The following LY6D variants were observed in gnomAD, a reference collection of about 807,000 sequenced individuals.
LY6D encodes lymphocyte antigen 6D.
Under a neutral mutation model 5.6 loss-of-function variants are expected in LY6D, and 7 were observed. The ratio of observed to expected loss-of-function variants is 1.24; its 90% CI spans 0.71 to 2.34. LY6D has a LOEUF of 2.34. LY6D is among the 30% of genes most tolerant of loss of function. LY6D has a pLI of 0.00. For synonymous variants in LY6D, 81 were observed against 75.0 expected (o/e 1.08, Z -0.41); for missense variants, 148 against 164.8 (o/e 0.90, Z 0.56).
At chr8:142,786,434 A>AGGGCCCCCCCC in intron 1 of LY6D, 31 bp downstream of exon 1, 1 of 1,213,282 alleles carries the variant, frequency 8.2e-7, no homozygotes, top group Non-Finnish European at 1.1e-6. Flanking sequence ...ACAGCCGCCC[A>AGGGCCCCCCCC]CCCGCCCGTC....
Position 142,785,334 on chromosome 8 carries a change from A to G in LY6D, c.274T>C (p.Cys92Arg). 6.2e-7 allele frequency: 1 copy of G among 1,613,726 alleles called. No individual in the cohort carries two copies. Among genetic ancestry groups the G allele is most frequent in the South Asian group, 1.1e-5 (1 of 91,066 alleles). Residue 92 changes from cysteine (C) to arginine (R), a missense_variant, in exon 3 of 3, where the codon TGC becomes CGC. Transcript: ENST00000301263. ...SSTQCCQEDLCNEKLHNAAPT... is the reference protein window; with the variant it reads ...SSTQCCQEDLRNEKLHNAAPT... ...GCAGCGTTGTGCAGCTTCTCATTGC[A>G]CAGGTCCTCCTGGCAGCACTGGGTG... is the stretch of plus-strand genomic sequence containing the variant.
In LY6D at chr8:142,785,667, C is replaced by A. The variant is rs781022238; in HGVS notation, c.73G>T (p.Val25Leu). The A allele has an allele frequency of 6.2e-7, 1 of 1,613,600 alleles. No homozygotes were observed. Among genetic ancestry groups the A allele is most frequent in the East Asian group, 2.2e-5 (1 of 44,874 alleles). Residue 25 changes from valine to leucine, a missense_variant, in exon 2 of 3, where the codon GTG (valine) becomes TTG (leucine). Coordinates refer to ENST00000301263, the MANE Select transcript of LY6D (RefSeq NM_003695.3). ...TGPALTLRCH[V>L]CTSSSNCKHS... is the part of the protein sequence containing the mutation. ...TTGCAGTTGCTGGAGCTGGTGCACACGTGGCAGCGCAGGGTAAGGGCTGGC... is the reference window on the plus strand; with the variant it reads ...TTGCAGTTGCTGGAGCTGGTGCACAAGTGGCAGCGCAGGGTAAGGGCTGGC...
At chr8:142,786,381 G>A (rs927957157) in intron 1 of LY6D, 84 bp downstream of exon 1, 3 of 1,464,626 alleles carry the variant, frequency 2.0e-6, no homozygotes, top group African/African-American at 2.9e-5. Context: ...GTGCCTAGAT[G>A]TCGTCAGCTC....
chr8:142,785,838 G>A, intron 1 of LY6D, 151 bp from the exon 2 acceptor site: 1 of 1,451,996 alleles, frequency 6.9e-7, no homozygotes, highest in Non-Finnish European at 9.1e-7. Context: ...GGTCCTGGCA[G>A]GGCATGTGCC....
At chr8:142,786,263 C>G in intron 1 of LY6D, 1 of 1,384,640 alleles carries the variant, frequency 7.2e-7, no homozygotes, top group Non-Finnish European at 9.3e-7. Flanking sequence ...GGAGTCAGTT[C>G]TAAGATCCTC....
intron 1 of LY6D, chr8:142,786,114 C>G (rs972350391): frequency 2.1e-5 from 25 of 1,210,406 alleles, no homozygotes; most frequent in Non-Finnish European, 2.4e-5. Context: ...GGCTTGGTGG[C>G]CTTTGGGCTG....
rs770908432 is a variant in LY6D, at chr8:142,785,584, C to T, written c.151+5G>A. The T allele has an allele frequency of 3.2e-5, 51 of 1,613,218 alleles. No individual in the cohort carries two copies. Among genetic ancestry groups the T allele is most frequent in the Non-Finnish European group, 4.2e-5 (50 of 1,179,728 alleles). On this transcript the variant is annotated splice_donor_5th_base_variant and intron_variant, in intron 2 of 2. Transcript: ENST00000301263. The stretch of plus-strand genomic sequence containing the variant: ...CCCAGGGACACCTGGACAGATGCTA[C>T]CCACCTGTGTTCGTGGTCTTGCAGA...
intron 1 of LY6D, chr8:142,786,048 C>A (rs531453448): frequency 8.3e-7 from 1 of 1,198,228 alleles, no homozygotes; most frequent in South Asian, 2.4e-5. Context: ...GAGGGCCTGA[C>A]GGAGCTAAGG....
intron 1 of LY6D, 89 bp downstream of exon 1, chr8:142,786,376 T>C: frequency 6.8e-7 from 1 of 1,461,042 alleles, no homozygotes; most frequent in Non-Finnish European, 9.1e-7. Flanking sequence ...TCTCTGTGCC[T>C]AGATGTCGTC....
chr8:142,786,361 G>A (rs1008092401), intron 1 of LY6D, 104 bp downstream of exon 1: 6 of 1,438,312 alleles, frequency 4.2e-6, no homozygotes, highest in East Asian at 5.2e-5. Flanking sequence ...CCACAGTGTC[G>A]GGGTTCTCTG....
Position 142,785,414 on chromosome 8 carries a change from T to C in LY6D, c.194A>G (p.Glu65Gly). 6.2e-7 allele frequency: 1 copy of C among 1,613,392 alleles called. No individual in the cohort carries two copies. Among genetic ancestry groups the C allele is most frequent in the Non-Finnish European group, 8.5e-7 (1 of 1,179,884 alleles). ...CAGGGTGTAGCTGGGTGTGCACGAC[T>C]CCGCACAGTCCTTCTTCACCAGATT... Reference protein sequence around the residue: ...RGNLVKKDCAESCTPSYTLQG... With the variant: ...RGNLVKKDCAGSCTPSYTLQG... Residue 65 changes from glutamate to glycine, a missense_variant, in exon 3 of 3, where the codon GAG (glutamate) becomes GGG (glycine). Glu to Gly is a moderately conservative substitution (Grantham distance 98). Transcript: ENST00000301263.
rs1291335141 is a variant in LY6D, at chr8:142,785,220, G to A, written c.*1C>T. On this transcript the variant is annotated 3_prime_UTR_variant, in exon 3 of 3. Transcript: ENST00000301263. Reference sequence around the variant, plus strand: ...ATGAGGGGCCTTCCCTGGGGGGAAGGTCACAGGCTGGGGGCTAAGATGACG... The same window carrying A: ...ATGAGGGGCCTTCCCTGGGGGGAAGATCACAGGCTGGGGGCTAAGATGACG... The A allele has an allele frequency of 6.3e-7, 1 of 1,599,228 alleles. No homozygotes were observed. Among genetic ancestry groups the A allele is most frequent in the Admixed American group, 1.7e-5 (1 of 59,724 alleles).
Position 142,785,044 on chromosome 8 carries a change from T to G in LY6D, c.*177A>C. 1.7e-6 allele frequency: 1 copy of G among 593,966 alleles called. No homozygotes were observed. The highest frequency in any genetic ancestry group is 3.0e-6 in the Non-Finnish European group (1 of 335,296). 36.8% of individuals were successfully genotyped at this position (593,966 alleles called of 1,614,324 possible). A position where few individuals can be genotyped will look rare whatever the true frequency, so the allele number is the denominator to read the frequency against. ...TGGGGTGGCTTCATCCTCTGTGGGGTCTGTGGGGCCTGCTCCAAGTCATCA... is the reference window on the plus strand; with the variant it reads ...TGGGGTGGCTTCATCCTCTGTGGGGGCTGTGGGGCCTGCTCCAAGTCATCA... On this transcript the variant is annotated 3_prime_UTR_variant, in exon 3 of 3. Transcript: ENST00000301263.
intron 1 of LY6D, chr8:142,786,187 C>A: frequency 7.8e-7 from 1 of 1,285,118 alleles, no homozygotes; most frequent in Non-Finnish European, 9.8e-7. Context: ...ACTAGATGGC[C>A]GCTCTCCCAG....
At chr8:142,786,425 C>T in intron 1 of LY6D, 40 bp downstream of exon 1, 1 of 1,511,402 alleles carries the variant, frequency 6.6e-7, no homozygotes, top group Admixed American at 2.2e-5. Flanking sequence ...ACACAGGCCA[C>T]AGCCGCCCAC....
In LY6D at chr8:142,785,411, G is replaced by T. The variant is rs780183494; in HGVS notation, c.197C>A (p.Ser66Ter). 1.2e-6 allele frequency: 2 copies of T among 1,613,406 alleles called. No homozygotes were observed. Among genetic ancestry groups the T allele is most frequent in the Non-Finnish European group, 8.5e-7 (1 of 1,179,926 alleles). Residue 66 changes from serine to a stop codon, truncating the protein, a stop_gained, in exon 3 of 3, where the codon TCG (serine) becomes TAG (stop). Coordinates refer to ENST00000301263, the MANE Select transcript of LY6D (RefSeq NM_003695.3). LOFTEE classifies it low-confidence loss of function (END_TRUNC). ...TTGCAGGGTGTAGCTGGGTGTGCAC[G>T]ACTCCGCACAGTCCTTCTTCACCAG... is the stretch of plus-strand genomic sequence containing the variant. ...GNLVKKDCAE[S>*]CTPSYTLQGQ...
At position 142,785,234 on chromosome 8, in the gene LY6D, G is replaced by A. The variant is rs534078286; in HGVS notation, c.374C>T (p.Ala125Val). ...LALSLLAVILAPSL is the reference protein window; with the variant it reads ...LALSLLAVILVPSL ...CTGGGGGGAAGGTCACAGGCTGGGG[G>A]CTAAGATGACGGCCAGGAGGCTCAG... Residue 125 changes from alanine to valine, a missense_variant, in exon 3 of 3, where the codon GCC becomes GTC. Ala to Val is a moderately conservative substitution (Grantham distance 64). Coordinates refer to ENST00000301263, the MANE Select transcript of LY6D (RefSeq NM_003695.3). 1.1e-5 allele frequency: 17 copies of A among 1,606,074 alleles called. No individual in the cohort carries two copies. Among genetic ancestry groups the A allele is most frequent in the Non-Finnish European group, 1.4e-5 (17 of 1,174,522 alleles).
intron 1 of LY6D, 48 bp downstream of exon 1, chr8:142,786,417 A>C (rs1249812721): frequency 5.3e-6 from 8 of 1,522,230 alleles, no homozygotes; most frequent in Non-Finnish European, 3.5e-6. Flanking sequence ...TGGTGACCAC[A>C]CAGGCCACAG....
At position 142,785,702 on chromosome 8, in the gene LY6D, G is replaced by A. The variant is rs1177797069; in HGVS notation, c.53-15C>T. ...CAGGGTAAGGGCTGGCGGGGAGGGA[G>A]TCCGGCTCAGCGGGCCCAACAGAGG... On this transcript the variant is annotated splice_polypyrimidine_tract_variant and intron_variant, in intron 1 of 2. Transcript: ENST00000301263. The A allele has an allele frequency of 1.2e-6, 2 of 1,612,682 alleles. No individual in the cohort carries two copies. Among genetic ancestry groups the A allele is most frequent in the Non-Finnish European group, 1.7e-6 (2 of 1,179,784 alleles).
Sources: gnomAD v4.1 joint callset for allele counts on GRCh38, gnomAD v4.1.1 for gene constraint, MANE v1.5 for transcripts, NCBI Gene and HGNC (gene_info 2026-07-23, HGNC 2026-07-21) for gene names.